UTP20: variants seen among roughly 807,000 people sequenced by gnomAD.
UTP20 encodes the protein UTP20 small subunit processome component, also known as small subunit processome component 20 homolog.
A neutral mutation model predicts 329.5 loss-of-function variants in UTP20; 164 were observed. That is an observed-to-expected ratio of 0.50 (90% CI 0.44 to 0.57). UTP20 has a LOEUF of 0.57. Ranked by LOEUF, UTP20 falls within the 20% of genes least tolerant of loss-of-function variation. The probability of loss-of-function intolerance (pLI) is 0.00; values close to 1 mark genes in which losing one functional copy is unlikely to be tolerated. For missense variants in UTP20, 3,055 were observed against 3,284.2 expected (o/e 0.93, Z 1.71); for synonymous variants, 1,151 against 1,159.3 (o/e 0.99, Z 0.14).
In UTP20 at chr12:101,295,556, T is replaced by C; in HGVS notation, c.1328T>C (p.Leu443Pro). 1 of 1,613,468 alleles carries C rather than the reference T, an allele frequency of 6.2e-7. No homozygotes were observed. Among genetic ancestry groups the C allele is most frequent in the Non-Finnish European group, 8.5e-7 (1 of 1,179,786 alleles). The change falls in exon 12 of 62, where the codon CTG (leucine) becomes CCG (proline). Residue 443 changes from leucine to proline, a missense_variant. Physicochemically the swap from Leu to Pro is moderately conservative, Grantham distance 98 (BLOSUM62 -3). Coordinates refer to ENST00000261637, the MANE Select transcript of UTP20 (RefSeq NM_014503.3). ...GATGCTGTAGTCAAAGATGAAGCTC[T>C]GGCCATTCTGGCCAAGCTCATTCTG... ...IDDAVVKDEA[L>P]AILAKLILNK...
intron 21 of UTP20, among the ~76,000 whole-genome samples, chr12:101,312,532 C>T (rs1368191939): frequency 6.6e-6 from 1 of 152,230 alleles, no homozygotes; most frequent in Non-Finnish European, 1.5e-5. Flanking sequence ...ACCTTCACCT[C>T]CCAGATTCAA....
chr12:101,331,076 T>A (rs79173903), intron 27 of UTP20, among the ~76,000 whole-genome samples: 2,131 of 152,324 alleles, frequency 0.014, 29 homozygotes, highest in East Asian at 0.08. Flanking sequence ...TTTTTGTACA[T>A]TTAAGCAACA....
chr12:101,360,030 C>T (rs1032391601), intron 43 of UTP20, among the ~76,000 whole-genome samples: 2 of 152,228 alleles, frequency 1.3e-5, no homozygotes, highest in South Asian at 2.1e-4. Flanking sequence ...TTCATGCACA[C>T]ATTTTTAAGG....
Position 101,291,885 on chromosome 12 carries a change from T to G in UTP20, c.1035T>G (p.Cys345Trp). ...AGATACCCACGCCTGCTGATGTCTG[T>G]AAGGTGAGTTCCCAACTTAATATGC... is the stretch of plus-strand genomic sequence containing the variant. ...GTKIPTPADVCKVLSQTLQVA... is the reference protein window; with the variant it reads ...GTKIPTPADVWKVLSQTLQVA... Residue 345 changes from cysteine (C) to tryptophan (W), a missense_variant, in exon 9 of 62, where the codon TGT becomes TGG. Coordinates refer to ENST00000261637, the MANE Select transcript of UTP20 (RefSeq NM_014503.3). 4.3e-6 allele frequency: 7 copies of G among 1,611,394 alleles called. No homozygotes were observed. The highest frequency in any genetic ancestry group is 5.9e-6 in the Non-Finnish European group (7 of 1,179,158).
chr12:101,306,468 A>G (rs932318741), intron 16 of UTP20, among the ~76,000 whole-genome samples: 12 of 152,186 alleles, frequency 7.9e-5, no homozygotes, highest in Non-Finnish European at 1.3e-4. Flanking sequence ...TTATTTACAG[A>G]CATGGTTATA....
At chr12:101,308,975 C>T (rs56168914) in intron 18 of UTP20, among the ~76,000 whole-genome samples, 2,983 of 151,980 alleles carry the variant, frequency 0.02, 62 homozygotes, top group African/African-American at 0.052. Flanking sequence ...CCTCGTGATC[C>T]GCCCTCCTCG....
At chr12:101,371,544 T>A (rs1870290273) in intron 51 of UTP20, among the ~76,000 whole-genome samples, 1 of 141,704 alleles carries the variant, frequency 7.1e-6, no homozygotes, top group African/African-American at 2.6e-5. Flanking sequence ...TTTTTTTTTT[T>A]TTTTTGAGAC....
At chr12:101,368,114 T>A in intron 48 of UTP20, 138 bp downstream of exon 48, 1 of 626,492 alleles carries the variant, frequency 1.6e-6, no homozygotes, top group Non-Finnish European at 2.8e-6. Flanking sequence ...GTGGGTTTTT[T>A]GGGGTTTTTG....
intron 21 of UTP20, among the ~76,000 whole-genome samples, chr12:101,316,744 A>C (rs551258368): frequency 8.5e-5 from 13 of 152,322 alleles, no homozygotes; most frequent in Admixed American, 3.3e-4. Context: ...ACAAAAGGTT[A>C]ATTGTTTGGG....
intron 50 of UTP20, 108 bp downstream of exon 50, chr12:101,370,671 G>A: frequency 8.4e-7 from 1 of 1,183,432 alleles, no homozygotes; most frequent in Non-Finnish European, 1.2e-6. Flanking sequence ...CTGAAATTGA[G>A]TAATTTGTAA....
chr12:101,358,535 T>C (rs1869803004), intron 43 of UTP20, among the ~76,000 whole-genome samples: 1 of 152,224 alleles, frequency 6.6e-6, no homozygotes. Flanking sequence ...GGGTGTCCTT[T>C]AGCAATGTGG....
chr12:101,300,214 A>G (rs1463682731), intron 14 of UTP20, among the ~76,000 whole-genome samples, 153 bp downstream of exon 14: 1 of 152,180 alleles, frequency 6.6e-6, no homozygotes, highest in Non-Finnish European at 1.5e-5. Context: ...TATGATGGGC[A>G]TGTCTCACTT....
In UTP20 at chr12:101,385,915, T is replaced by C. The variant is rs1413747711; in HGVS notation, c.8203-53T>C. On this transcript the variant is annotated intron_variant, in intron 61 of 61. Coordinates refer to ENST00000261637, the MANE Select transcript of UTP20 (RefSeq NM_014503.3). ...CATTTATTTCTGTATTTGATTCTTA[T>C]TGGTTTAACATTTACTTTAAAAGTA... The C allele has an allele frequency of 7.5e-6, 11 of 1,474,880 alleles. No homozygotes were observed. The East Asian group carries it at 1.5e-4, about 20-fold the overall frequency. The allele number at this position is 1,474,880 out of a possible 1,614,324, so 91.4% of individuals were successfully genotyped here. A position where few individuals can be genotyped will look rare whatever the true frequency, so the allele number is the denominator to read the frequency against.
chr12:101,356,450 T>A (rs1261557836), intron 41 of UTP20, 104 bp from the exon 42 acceptor site: 1 of 1,059,794 alleles, frequency 9.4e-7, no homozygotes, highest in Non-Finnish European at 1.3e-6. Flanking sequence ...TTTATGATCA[T>A]CCATCCTTCT....
At chr12:101,293,594 A>G (rs1043807126) in intron 11 of UTP20, among the ~76,000 whole-genome samples, 1 of 152,190 alleles carries the variant, frequency 6.6e-6, no homozygotes. Context: ...GAGGGAGAAA[A>G]TGTTCTTATC....
intron 11 of UTP20, among the ~76,000 whole-genome samples, chr12:101,293,593 A>G (rs1872243787): frequency 6.6e-6 from 1 of 152,170 alleles, no homozygotes; most frequent in Non-Finnish European, 1.5e-5. Flanking sequence ...TGAGGGAGAA[A>G]ATGTTCTTAT....
intron 45 of UTP20, among the ~76,000 whole-genome samples, chr12:101,364,197 C>T (rs768522882): frequency 2.6e-5 from 4 of 152,114 alleles, no homozygotes; most frequent in Non-Finnish European, 5.9e-5. Context: ...TGCTTGAGCC[C>T]AGGAGTTTGA....
chr12:101,329,132 A>G, intron 26 of UTP20, 109 bp from the exon 27 acceptor site: 1 of 929,232 alleles, frequency 1.1e-6, no homozygotes, highest in Non-Finnish European at 1.6e-6. Flanking sequence ...TTACCATGAC[A>G]GTAGAAAATA....
intron 27 of UTP20, among the ~76,000 whole-genome samples, chr12:101,332,941 A>G (rs903526748): frequency 2.0e-4 from 31 of 152,242 alleles, no homozygotes; most frequent in African/African-American, 7.2e-4. Flanking sequence ...ATTTTAAAAA[A>G]AAGTTTTGCT....
Sources: allele counts gnomAD v4.1 joint callset (sites outside exome capture counted in the v4.1 genomes callset), GRCh38; gene constraint gnomAD v4.1.1; transcripts MANE v1.5; gene names NCBI Gene and HGNC (gene_info 2026-07-23, HGNC 2026-07-21).